The following GPHN variants were observed in gnomAD, a reference collection of about 807,000 sequenced individuals.
GPHN encodes the protein gephyrin.
In GPHN, 17 loss-of-function variants were observed where a neutral mutation model predicts 95.5. The observed-to-expected ratio is 0.18, with a 90% CI of 0.12 to 0.27. The LOEUF (loss-of-function observed/expected upper bound fraction) is 0.27. Among genes scored for constraint, GPHN ranks in the 10% least tolerant of loss-of-function variants. GPHN has a pLI of 1.00. For missense variants in GPHN, 660 were observed against 978.1 expected (o/e 0.67, Z 4.34); for synonymous variants, 320 against 322.5 (o/e 0.99, Z 0.08).
At chr14:67,297,855 A>G in the GPHN span, among the ~76,000 whole-genome samples, 2 of 152,218 alleles carry the variant, frequency 1.3e-5, no homozygotes, top group Admixed American at 6.5e-5. Flanking sequence ...ATACAATTCT[A>G]TCTTCATTGA....
At chr14:67,671,676 G>C in the GPHN span, among the ~76,000 whole-genome samples, 1 of 152,224 alleles carries the variant, frequency 6.6e-6, no homozygotes, top group African/African-American at 2.4e-5. Flanking sequence ...CTGAGTCTGG[G>C]TAATTTATAA....
chr14:67,309,090 T>C, the GPHN span, among the ~76,000 whole-genome samples: 2 of 152,198 alleles, frequency 1.3e-5, no homozygotes. Context: ...GAAGATTTTG[T>C]TTTGTTCAGA....
chr14:67,100,943 A>G, intron 13 of GPHN, 32 bp downstream of exon 13: 1 of 1,322,468 alleles, frequency 7.6e-7, no homozygotes, highest in Non-Finnish European at 1.1e-6. Flanking sequence ...GGCACTGAAG[A>G]TTTCAGCTTC....
At chr14:67,333,899 A>G in the GPHN span, 1 of 152,610 alleles carries the variant, frequency 6.6e-6, no homozygotes, top group South Asian at 2.1e-4. Context: ...ATTTTTATGT[A>G]TGAGCACAGT....
intron 1 of GPHN, among the ~76,000 whole-genome samples, chr14:66,573,768 T>C (rs2060795071): frequency 6.6e-6 from 1 of 152,140 alleles, no homozygotes; most frequent in African/African-American, 2.4e-5. Flanking sequence ...ATAATGACTT[T>C]TTTTTTTAAT....
At chr14:67,489,807 G>A in the GPHN span, among the ~76,000 whole-genome samples, 27 of 152,264 alleles carry the variant, frequency 1.8e-4, no homozygotes, top group South Asian at 3.1e-3. Flanking sequence ...TGGCTAACAT[G>A]GTGAAACCCC....
At chr14:66,528,559 G>A (rs964207128) in intron 1 of GPHN, among the ~76,000 whole-genome samples, 4 of 152,174 alleles carry the variant, frequency 2.6e-5, no homozygotes, top group African/African-American at 7.2e-5. Flanking sequence ...TCATAGTGAC[G>A]ATGGTTTTTA....
the GPHN span, chr14:67,569,155 T>A: frequency 6.2e-7 from 1 of 1,612,534 alleles, no homozygotes; most frequent in Middle Eastern, 1.7e-4. Flanking sequence ...GGATCTATGC[T>A]GTGGCCACAT....
At chr14:66,597,212 A>G (rs2062020841) in intron 1 of GPHN, among the ~76,000 whole-genome samples, 1 of 152,224 alleles carries the variant, frequency 6.6e-6, no homozygotes, top group African/African-American at 2.4e-5. Flanking sequence ...TTATTGGAAG[A>G]CATGGATCAA....
At chr14:67,269,502 CA>C in the GPHN span, among the ~76,000 whole-genome samples, 1 of 152,094 alleles carries the variant, frequency 6.6e-6, no homozygotes, top group South Asian at 2.1e-4. Flanking sequence ...CACTAATATA[CA>C]ACAACATAAA....
At position 66,994,944 on chromosome 14, in the gene GPHN, TAAATAA is replaced by T. The variant is rs575603580; in HGVS notation, c.964-28687_964-28682del. 7.7e-3 allele frequency among the ~76,000 whole-genome samples: 1,172 copies of T among 152,330 alleles called. 5 individuals carry two copies. The highest frequency in any genetic ancestry group is 0.012 in the Non-Finnish European group (799 of 68,018). ...AAAAAGGGTTTGTATATTCATTTAT[TAAATAA>T]ACATATATTGAGCACCTACTACATT... On this transcript the variant is annotated intron_variant, in intron 9 of 22. Transcript: ENST00000478722.
At chr14:66,518,573 TA>T (rs1373081727) in intron 1 of GPHN, among the ~76,000 whole-genome samples, 1 of 152,134 alleles carries the variant, frequency 6.6e-6, no homozygotes, top group Non-Finnish European at 1.5e-5. Context: ...AGCTAAGATA[TA>T]GACTCAATCT....
At chr14:66,739,723 G>C (rs1448716629) in intron 2 of GPHN, among the ~76,000 whole-genome samples, 2 of 151,916 alleles carry the variant, frequency 1.3e-5, no homozygotes, top group Non-Finnish European at 2.9e-5. Context: ...AAAGCTACAA[G>C]GAAATGAAGT....
At chr14:67,637,471 A>G in the GPHN span, among the ~76,000 whole-genome samples, 1 of 151,974 alleles carries the variant, frequency 6.6e-6, no homozygotes, top group African/African-American at 2.4e-5. Context: ...GCTGTTACAA[A>G]AAGTTAACTT....
intron 8 of GPHN, among the ~76,000 whole-genome samples, chr14:66,957,340 C>T (rs537585058): frequency 4.0e-5 from 6 of 151,512 alleles, no homozygotes; most frequent in East Asian, 3.9e-4. Context: ...GGATTACAGG[C>T]GTGTGTCACC....
At chr14:66,879,879 T>C (rs944382382) in intron 4 of GPHN, 60 bp from the exon 5 acceptor site, 2 of 1,048,694 alleles carry the variant, frequency 1.9e-6, no homozygotes, top group Non-Finnish European at 3.0e-6. Context: ...GTTTTACTAG[T>C]CTGACTTCAT....
At chr14:66,745,195 A>C (rs2058091706) in intron 2 of GPHN, among the ~76,000 whole-genome samples, 1 of 152,054 alleles carries the variant, frequency 6.6e-6, no homozygotes, top group African/African-American at 2.4e-5. Flanking sequence ...TCAAACTTTA[A>C]AAAAATGTTG....
the GPHN span, chr14:67,573,491 G>A: frequency 5.0e-6 from 4 of 798,460 alleles, no homozygotes; most frequent in East Asian, 2.6e-5. This position sits in a 1 kb window ranked among gnomAD's most constrained non-coding sequence, Gnocchi z 4.8. Flanking sequence ...AGGCCAGAGG[G>A]CAAAGGTCTG....
At chr14:67,197,876 C>G in the GPHN span, among the ~76,000 whole-genome samples, 2 of 152,096 alleles carry the variant, frequency 1.3e-5, no homozygotes, top group African/African-American at 4.8e-5. Context: ...TTTTCAAGTC[C>G]TGATAGTCCC....
Sources: allele counts gnomAD v4.1 joint callset (sites outside exome capture counted in the v4.1 genomes callset), GRCh38; gene constraint gnomAD v4.1.1; non-coding constraint Gnocchi (gnomAD v3.1); transcripts MANE v1.5; gene names NCBI Gene and HGNC (gene_info 2026-07-23, HGNC 2026-07-21).